Variants in SNX29 observed in about 807,000 individuals in gnomAD.
The protein encoded by SNX29 is sorting nexin-29.
A neutral mutation model predicts 102.1 loss-of-function variants in SNX29; 78 were observed. The observed-to-expected ratio is 0.76, with a 90% CI of 0.64 to 0.92. The LOEUF (loss-of-function observed/expected upper bound fraction) is 0.92, where lower values mean the gene tolerates loss of function less well. Among genes scored for constraint, SNX29 ranks in the 40% least tolerant of loss-of-function variants. The pLI, the probability that SNX29 is intolerant of heterozygous loss-of-function variation, is 0.00. For synonymous variants in SNX29, 580 were observed against 414.5 expected (o/e 1.40, Z -4.85); for missense variants, 1,280 against 1,061.7 (o/e 1.21, Z -2.86).
intron 8 of SNX29, among the ~76,000 whole-genome samples, chr16:12,055,235 CTT>C (rs201288834): frequency 2.2e-5 from 3 of 139,186 alleles, no homozygotes; most frequent in African/African-American, 5.3e-5. Context: ...TGTTTCCTTT[CTT>C]TTTTTTTTTT....
intron 3 of SNX29, among the ~76,000 whole-genome samples, chr16:12,023,968 A>C (rs149563470): frequency 6.6e-6 from 1 of 152,330 alleles, no homozygotes; most frequent in African/African-American, 2.4e-5. Flanking sequence ...CATTCTCTGT[A>C]GCAACCAGGC....
chr16:12,443,025 C>A (rs939663164), intron 18 of SNX29: 15 of 456,016 alleles, frequency 3.3e-5, no homozygotes, highest in African/African-American at 2.8e-4. Flanking sequence ...CATTCTTAGT[C>A]TGTGGGCCGT....
intron 11 of SNX29, among the ~76,000 whole-genome samples, chr16:12,090,615 C>G (rs986726334): frequency 2.6e-5 from 4 of 152,192 alleles, no homozygotes; most frequent in African/African-American, 7.2e-5. Context: ...TTTCCCATTT[C>G]CATCCTGGTT....
At chr16:12,280,503 C>A (rs890183787) in intron 15 of SNX29, among the ~76,000 whole-genome samples, 1 of 152,036 alleles carries the variant, frequency 6.6e-6, no homozygotes, top group Non-Finnish European at 1.5e-5. Context: ...TTACTGGCCT[C>A]AAGCTTCCTT....
chr16:12,159,340 A>G (rs1162320234), intron 13 of SNX29, among the ~76,000 whole-genome samples: 2 of 152,238 alleles, frequency 1.3e-5, no homozygotes, highest in African/African-American at 4.8e-5. Flanking sequence ...CTGCTTCTCA[A>G]GAACTAATTC....
chr16:12,564,636 C>T (rs766032366), intron 20 of SNX29, among the ~76,000 whole-genome samples: 6 of 140,524 alleles, frequency 4.3e-5, no homozygotes, highest in Non-Finnish European at 8.8e-5. Context: ...TTAACAGAGT[C>T]CCTGCTGGGG....
chr16:12,069,001 T>G, intron 9 of SNX29, 56 bp from the exon 10 acceptor site: 30 of 1,537,752 alleles, frequency 2.0e-5, no homozygotes, highest in Non-Finnish European at 2.6e-5. Flanking sequence ...CTTTGTCTTA[T>G]GGAGAACATG....
intron 19 of SNX29, among the ~76,000 whole-genome samples, chr16:12,489,947 A>T (rs1007634434): frequency 5.3e-5 from 8 of 152,114 alleles, no homozygotes; most frequent in African/African-American, 1.9e-4. Context: ...CTGGGACTAT[A>T]GGCATGCACC....
intron 16 of SNX29, 56 bp downstream of exon 16, chr16:12,356,335 T>C: frequency 1.3e-6 from 2 of 1,486,122 alleles, no homozygotes; most frequent in Non-Finnish European, 9.2e-7. Flanking sequence ...CACAGCCCAG[T>C]AGAAAAGCAC....
chr16:12,009,666 G>A (rs576982230), intron 3 of SNX29, among the ~76,000 whole-genome samples: 108 of 152,182 alleles, frequency 7.1e-4, no homozygotes, highest in Non-Finnish European at 1.3e-3. Flanking sequence ...TCTGAAATGC[G>A]CGCTTCTCTT....
chr16:12,525,650 C>T (rs957706969), intron 20 of SNX29, among the ~76,000 whole-genome samples: 1 of 151,620 alleles, frequency 6.6e-6, no homozygotes, highest in Non-Finnish European at 1.5e-5. Flanking sequence ...TGAGATTGTG[C>T]CGCTGCACTC....
chr16:12,547,204 G>C (rs151248465), intron 20 of SNX29, among the ~76,000 whole-genome samples: 1 of 152,328 alleles, frequency 6.6e-6, no homozygotes, highest in Non-Finnish European at 1.5e-5. Flanking sequence ...AGTTTGACCC[G>C]AAGTGGAGAC....
At chr16:12,001,669 G>A (rs1460912364) in intron 2 of SNX29, among the ~76,000 whole-genome samples, 2 of 151,970 alleles carry the variant, frequency 1.3e-5, no homozygotes, top group African/African-American at 4.8e-5. Context: ...TTGATAATAA[G>A]TTTAGGAACC....
chr16:12,069,234 A>C (rs1326839834), intron 10 of SNX29, 102 bp downstream of exon 10: 3 of 947,156 alleles, frequency 3.2e-6, no homozygotes, highest in Non-Finnish European at 4.8e-6. Context: ...GCTAGGATTA[A>C]AGGGCAAGGG....
chr16:12,303,101 T>G (rs2080229579), intron 15 of SNX29, among the ~76,000 whole-genome samples: 1 of 152,256 alleles, frequency 6.6e-6, no homozygotes, highest in Non-Finnish European at 1.5e-5. Context: ...GAGAATCTTC[T>G]TTTGCAATTT....
intron 18 of SNX29, among the ~76,000 whole-genome samples, chr16:12,408,577 T>C (rs528288846): frequency 6.6e-6 from 1 of 152,300 alleles, no homozygotes; most frequent in East Asian, 1.9e-4. Flanking sequence ...TCCCAGCACT[T>C]TGGGAAGCCA....
chr16:12,174,847 G>A (rs966853118), intron 13 of SNX29, among the ~76,000 whole-genome samples: 9 of 152,152 alleles, frequency 5.9e-5, no homozygotes, highest in African/African-American at 1.9e-4. Context: ...GCATGTTGAA[G>A]GAGGTTTTAT....
At chr16:12,170,089 T>G (rs533657580) in intron 13 of SNX29, among the ~76,000 whole-genome samples, 1 of 152,044 alleles carries the variant, frequency 6.6e-6, no homozygotes. Flanking sequence ...ACCTCTGACT[T>G]CTAGATGCCA....
At chr16:12,515,449 A>G (rs2089821261) in intron 19 of SNX29, 3 of 475,648 alleles carry the variant, frequency 6.3e-6, no homozygotes, top group South Asian at 4.7e-5. Flanking sequence ...TCACCCCTGA[A>G]ATAGATCAGT....
Sources: allele counts gnomAD v4.1 joint callset (sites outside exome capture counted in the v4.1 genomes callset), GRCh38; gene constraint gnomAD v4.1.1; transcripts MANE v1.5; gene names NCBI Gene and HGNC (gene_info 2026-07-23, HGNC 2026-07-21).